Variants in SDK1 observed in about 807,000 individuals in gnomAD.
The protein encoded by SDK1 is sidekick cell adhesion molecule 1, also known as protein sidekick-1.
In SDK1, 157 loss-of-function variants were observed where a neutral mutation model predicts 245.5. That is an observed-to-expected ratio of 0.64 (90% confidence interval 0.56 to 0.73). The LOEUF is 0.73. SDK1 is among the 30% of genes least tolerant of loss of function. The probability of loss-of-function intolerance (pLI) is 0.00; values close to 1 mark genes in which losing one functional copy is unlikely to be tolerated. For missense variants in SDK1, 3,583 were observed against 3,002.3 expected, an observed-to-expected ratio of 1.19 and a Z score of -4.52; for synonymous variants, 1,647 against 1,278.5, an observed-to-expected ratio of 1.29 and a Z score of -6.15.
chr7:4,187,762 G>A (rs608438), intron 35 of SDK1, among the ~76,000 whole-genome samples: 43,693 of 152,164 alleles, frequency 0.29, 6,554 homozygotes, highest in African/African-American at 0.37. Context: ...CAAGGGGAAC[G>A]TTTTTATGGT....
intron 31 of SDK1, among the ~76,000 whole-genome samples, chr7:4,159,891 G>C (rs1171253503): frequency 6.6e-6 from 1 of 152,214 alleles, no homozygotes; most frequent in African/African-American, 2.4e-5. Flanking sequence ...TTATGTAACA[G>C]TATTACAAAT....
At position 3,351,902 on chromosome 7, in the gene SDK1, T is replaced by C. The variant is rs1026111968; in HGVS notation, c.298+50018T>C. Among the ~76,000 whole-genome samples, 11 of 152,188 alleles carry C rather than the reference T, an allele frequency of 7.2e-5. No individual in the cohort carries two copies. The Middle Eastern group carries it at 0.01, about 141-fold the overall frequency. On this transcript the variant is annotated intron_variant, in intron 1 of 44. Transcript: ENST00000404826. ...ACAAATCTGACCTCATGGACATTCA[T>C]AGAATGTTACAGTTCCTGTATAATC...
At chr7:3,558,597 G>T (rs1289130070) in intron 1 of SDK1, among the ~76,000 whole-genome samples, 2 of 152,196 alleles carry the variant, frequency 1.3e-5, no homozygotes, top group Admixed American at 6.5e-5. Flanking sequence ...TGTGAAGGGA[G>T]TAAGAGCTGG....
intron 1 of SDK1, among the ~76,000 whole-genome samples, chr7:3,397,775 T>G (rs1000569104): frequency 2.0e-5 from 3 of 152,088 alleles, no homozygotes; most frequent in African/African-American, 4.8e-5. Context: ...AAAAATTTGT[T>G]CTTAGGGTTT....
chr7:3,929,294 T>C (rs1157417688), intron 5 of SDK1, among the ~76,000 whole-genome samples: 1 of 152,240 alleles, frequency 6.6e-6, no homozygotes, highest in East Asian at 1.9e-4. Flanking sequence ...CGGTGTGTTG[T>C]GGACTTTGAT....
chr7:3,736,507 C>T (rs985663229), intron 4 of SDK1, among the ~76,000 whole-genome samples: 4 of 152,088 alleles, frequency 2.6e-5, no homozygotes, highest in African/African-American at 7.2e-5. Context: ...CTCCTGCCCT[C>T]GTGATCCACC....
chr7:3,385,464 A>T (rs1235265945), intron 1 of SDK1, among the ~76,000 whole-genome samples: 2 of 151,872 alleles, frequency 1.3e-5, no homozygotes, highest in African/African-American at 2.4e-5. Context: ...GCAGACAATA[A>T]TTTTTTTTCT....
At chr7:3,367,213 C>CT (rs960085657) in intron 1 of SDK1, among the ~76,000 whole-genome samples, 2 of 151,142 alleles carry the variant, frequency 1.3e-5, no homozygotes, top group South Asian at 4.2e-4. Flanking sequence ...AAGAATGTAT[C>CT]TTTTTTATAT....
chr7:4,256,013 C>T (rs1230161861), intron 44 of SDK1, among the ~76,000 whole-genome samples: 4 of 148,252 alleles, frequency 2.7e-5, no homozygotes, highest in African/African-American at 1.0e-4. Flanking sequence ...TCTGCCTTCT[C>T]AGTTCAAACA....
intron 1 of SDK1, among the ~76,000 whole-genome samples, chr7:3,564,016 AT>A (rs1463451312): frequency 1.3e-5 from 2 of 152,178 alleles, no homozygotes; most frequent in African/African-American, 4.8e-5. Flanking sequence ...AAAACATGAC[AT>A]TTCAGATTTG....
At chr7:3,389,589 T>C (rs1272854667) in intron 1 of SDK1, among the ~76,000 whole-genome samples, 2 of 152,148 alleles carry the variant, frequency 1.3e-5, no homozygotes, top group Non-Finnish European at 2.9e-5. Context: ...TATTGTAGTT[T>C]GTTACAGCAG....
intron 32 of SDK1, 75 bp from the exon 33 acceptor site, chr7:4,174,147 G>T: frequency 6.6e-7 from 1 of 1,526,160 alleles, no homozygotes; most frequent in African/African-American, 1.4e-5. Context: ...TTAAACAGGG[G>T]TGGAGGTGAG....
intron 32 of SDK1, among the ~76,000 whole-genome samples, chr7:4,164,355 G>T (rs1349280390): frequency 1.3e-5 from 2 of 152,140 alleles, no homozygotes; most frequent in Non-Finnish European, 2.9e-5. Context: ...AGGTCACAAA[G>T]GTGAGCTCAG....
At chr7:3,968,749 C>G (rs1782261578) in intron 10 of SDK1, among the ~76,000 whole-genome samples, 1 of 152,202 alleles carries the variant, frequency 6.6e-6, no homozygotes, top group South Asian at 2.1e-4. Flanking sequence ...CTAGCAGGTA[C>G]TGCTTCAGTT....
At chr7:3,486,046 A>T (rs1472140812) in intron 1 of SDK1, among the ~76,000 whole-genome samples, 1 of 152,026 alleles carries the variant, frequency 6.6e-6, no homozygotes, top group Non-Finnish European at 1.5e-5. Context: ...TGAAGATCTG[A>T]AAAACTCTTC....
At chr7:3,437,013 G>A (rs1780048446) in intron 1 of SDK1, among the ~76,000 whole-genome samples, 2 of 152,150 alleles carry the variant, frequency 1.3e-5, no homozygotes, top group South Asian at 2.1e-4. Flanking sequence ...TATGTAAGGG[G>A]CAGCGGCTGC....
intron 1 of SDK1, among the ~76,000 whole-genome samples, chr7:3,363,650 G>C (rs753145613): frequency 1.3e-5 from 2 of 152,178 alleles, no homozygotes; most frequent in Admixed American, 6.5e-5. Context: ...CACGTCATCA[G>C]GCATTAGGTT....
chr7:3,847,171 C>G (rs1054152458), intron 5 of SDK1, among the ~76,000 whole-genome samples: 1 of 152,086 alleles, frequency 6.6e-6, no homozygotes, highest in Non-Finnish European at 1.5e-5. Flanking sequence ...CCTGCCTTTG[C>G]GATTTCAACC....
intron 1 of SDK1, among the ~76,000 whole-genome samples, chr7:3,320,111 T>C (rs1779764828): frequency 6.6e-6 from 1 of 151,942 alleles, no homozygotes; most frequent in South Asian, 2.1e-4. Context: ...TTCTGATGTA[T>C]GGGTTTAGGA....
Sources: allele counts gnomAD v4.1 joint callset (sites outside exome capture counted in the v4.1 genomes callset), GRCh38; gene constraint gnomAD v4.1.1; transcripts MANE v1.5; gene names NCBI Gene and HGNC (gene_info 2026-07-23, HGNC 2026-07-21).